The following C8orf34 variants were observed in gnomAD, a reference collection of about 807,000 sequenced individuals.
C8orf34 encodes chromosome 8 open reading frame 34.
C8orf34 carries 65 observed loss-of-function variants against 68.3 expected under a neutral mutation model. That is an observed-to-expected ratio of 0.95 (90% CI 0.78 to 1.17). The LOEUF (loss-of-function observed/expected upper bound fraction) is 1.17. Ranked by LOEUF, C8orf34 falls within the 50% of genes most tolerant of loss-of-function variation. C8orf34 has a pLI of 0.00. For synonymous variants in C8orf34, 244 were observed against 241.2 expected (o/e 1.01, Z -0.11); for missense variants, 664 against 655.4 (o/e 1.01, Z -0.14).
At chr8:68,460,395 C>T (rs1427139714) in intron 3 of C8orf34, among the ~76,000 whole-genome samples, 1 of 152,242 alleles carries the variant, frequency 6.6e-6, no homozygotes, top group African/African-American at 2.4e-5. Context: ...GCAGTAACCT[C>T]TGCAGACTTA....
At chr8:68,490,524 G>T (rs749754998) in intron 5 of C8orf34, among the ~76,000 whole-genome samples, 1 of 152,060 alleles carries the variant, frequency 6.6e-6, no homozygotes, top group Non-Finnish European at 1.5e-5. Context: ...TAGCTCAGGG[G>T]AATATCCATT....
chr8:68,554,521 A>G (rs1249356356), intron 7 of C8orf34, among the ~76,000 whole-genome samples: 1 of 152,060 alleles, frequency 6.6e-6, no homozygotes, highest in Non-Finnish European at 1.5e-5. Context: ...TTTTTTTCCT[A>G]TCTCAGCTGC....
chr8:68,797,109 G>C (rs1824200998), intron 12 of C8orf34, among the ~76,000 whole-genome samples: 1 of 152,170 alleles, frequency 6.6e-6, no homozygotes, highest in Admixed American at 6.5e-5. Flanking sequence ...TTACTGGCGT[G>C]AGCCACCGCA....
chr8:68,714,641 A>G (rs191759325), intron 9 of C8orf34, among the ~76,000 whole-genome samples: 13 of 152,350 alleles, frequency 8.5e-5, no homozygotes, highest in Admixed American at 8.5e-4. Context: ...AAACAAATGG[A>G]AACACTTTCC....
chr8:68,445,136 CT>C (rs1360323170), intron 2 of C8orf34, among the ~76,000 whole-genome samples: 2 of 152,034 alleles, frequency 1.3e-5, no homozygotes, highest in East Asian at 3.9e-4. Flanking sequence ...ATTTTCATGC[CT>C]TTTTGGTATT....
intron 8 of C8orf34, among the ~76,000 whole-genome samples, chr8:68,704,622 C>T (rs1054899335): frequency 1.3e-5 from 2 of 152,040 alleles, no homozygotes; most frequent in Non-Finnish European, 2.9e-5. Flanking sequence ...GCTAAAATTA[C>T]TGTCTCTCTC....
chr8:68,745,318 T>G (rs1281129009), intron 10 of C8orf34, among the ~76,000 whole-genome samples: 1 of 150,650 alleles, frequency 6.6e-6, no homozygotes, highest in Non-Finnish European at 1.5e-5. Flanking sequence ...AGGAAGAAAC[T>G]GCATCAACTA....
At position 68,709,083 on chromosome 8, in the gene C8orf34, A is replaced by G. The variant is rs755161978; in HGVS notation, c.1327+4A>G. ...GAAAAAATCCCAGATTCATTCGGTA[A>G]GTTTTAAGTCCAACAATATTTATTG... On this transcript the variant is annotated splice_donor_region_variant and intron_variant, in intron 9 of 13. Coordinates refer to ENST00000518698, the MANE Select transcript of C8orf34 (RefSeq NM_052958.4). 3 of 1,605,668 alleles carry G rather than the reference A, an allele frequency of 1.9e-6. 1 individual carries two copies. The Admixed American group carries it at 5.0e-5, about 27-fold the overall frequency.
chr8:68,555,257 T>G (rs1308799842), intron 7 of C8orf34, among the ~76,000 whole-genome samples: 1 of 152,166 alleles, frequency 6.6e-6, no homozygotes, highest in African/African-American at 2.4e-5. Flanking sequence ...AGCTTCTCTC[T>G]TAGTTTCCTC....
intron 10 of C8orf34, among the ~76,000 whole-genome samples, chr8:68,767,244 C>A (rs887804618): frequency 6.6e-6 from 1 of 152,034 alleles, no homozygotes; most frequent in Non-Finnish European, 1.5e-5. Flanking sequence ...CTAAGAAAAC[C>A]CATCAGTATT....
intron 3 of C8orf34, among the ~76,000 whole-genome samples, chr8:68,458,019 A>G (rs565151728): frequency 6.6e-6 from 1 of 152,216 alleles, no homozygotes; most frequent in South Asian, 2.1e-4. Context: ...ACTTATAAAA[A>G]CAGCTTTTGA....
intron 7 of C8orf34, among the ~76,000 whole-genome samples, chr8:68,568,694 C>G (rs1446539942): frequency 6.6e-6 from 1 of 152,022 alleles, no homozygotes; most frequent in Non-Finnish European, 1.5e-5. Context: ...GTTTTCATAA[C>G]CCTTTGTTGA....
intron 8 of C8orf34, among the ~76,000 whole-genome samples, chr8:68,684,146 A>G (rs1453867301): frequency 6.6e-6 from 1 of 152,054 alleles, no homozygotes; most frequent in Non-Finnish European, 1.5e-5. Flanking sequence ...CATGACACCA[A>G]CTGGACCCTG....
intron 10 of C8orf34, among the ~76,000 whole-genome samples, chr8:68,760,964 G>C (rs532654739): frequency 6.6e-6 from 1 of 152,036 alleles, no homozygotes; most frequent in Non-Finnish European, 1.5e-5. Context: ...AATCTTTTTC[G>C]TCTCAGCTTC....
At chr8:68,421,585 CCTAGG>C (rs1445749374) in intron 1 of C8orf34, among the ~76,000 whole-genome samples, 2 of 151,980 alleles carry the variant, frequency 1.3e-5, no homozygotes, top group African/African-American at 4.8e-5. Context: ...TCATAAAAAC[CCTAGG>C]CTACTCAGCC....
At chr8:68,669,491 A>T (rs535533561) in intron 8 of C8orf34, among the ~76,000 whole-genome samples, 1 of 152,286 alleles carries the variant, frequency 6.6e-6, no homozygotes, top group Admixed American at 6.5e-5. Flanking sequence ...TTTCAAAAGG[A>T]GAGTAGGATG....
intron 11 of C8orf34, among the ~76,000 whole-genome samples, chr8:68,776,650 A>T (rs1823528549): frequency 6.6e-6 from 1 of 152,218 alleles, no homozygotes; most frequent in South Asian, 2.1e-4. Context: ...ACTGTGTATC[A>T]GTTCAGTGAT....
At chr8:68,539,852 T>TAA (rs76169917) in intron 7 of C8orf34, among the ~76,000 whole-genome samples, 2 of 141,374 alleles carry the variant, frequency 1.4e-5, no homozygotes. Flanking sequence ...AAACTCCGTC[T>TAA]AAAAAAAAAA....
intron 10 of C8orf34, among the ~76,000 whole-genome samples, chr8:68,764,379 C>G (rs1823110056): frequency 6.6e-6 from 1 of 152,174 alleles, no homozygotes; most frequent in Admixed American, 6.5e-5. Context: ...TTGGCCCAGG[C>G]CTTGCAAATA....
Sources: allele counts gnomAD v4.1 joint callset (sites outside exome capture counted in the v4.1 genomes callset), GRCh38; gene constraint gnomAD v4.1.1; transcripts MANE v1.5; gene names NCBI Gene and HGNC (gene_info 2026-07-23, HGNC 2026-07-21).